The following AP2B1 variants were observed in gnomAD, a reference collection of about 807,000 sequenced individuals.
The protein encoded by AP2B1 is adaptor related protein complex 2 subunit beta 1, also known as AP-2 complex subunit beta.
A neutral mutation model predicts 102.0 loss-of-function variants in AP2B1; 23 were observed. That is an observed-to-expected ratio of 0.23 (90% CI 0.16 to 0.32). AP2B1 has a LOEUF of 0.32. Among genes scored for constraint, AP2B1 ranks in the 10% least tolerant of loss-of-function variants. AP2B1 has a pLI of 1.00. For missense variants in AP2B1, 541 were observed against 1,157.4 expected, an observed-to-expected ratio of 0.47 and a Z score of 7.73; for synonymous variants, 381 against 421.2, an observed-to-expected ratio of 0.90 and a Z score of 1.17.
At chr17:35,623,515 G>A (rs1254618667) in intron 5 of AP2B1, among the ~76,000 whole-genome samples, 1 of 152,192 alleles carries the variant, frequency 6.6e-6, no homozygotes, top group East Asian at 1.9e-4. Flanking sequence ...AGTGAGCCAA[G>A]ATGTGTGCCT....
intron 14 of AP2B1, among the ~76,000 whole-genome samples, chr17:35,660,970 A>G (rs1366142737): frequency 3.3e-5 from 5 of 152,212 alleles, no homozygotes; most frequent in Admixed American, 6.5e-5. Flanking sequence ...AAATATGGCC[A>G]TAGTTAGAAT....
chr17:35,691,417 G>A (rs587741498), intron 18 of AP2B1, among the ~76,000 whole-genome samples: 1 of 152,326 alleles, frequency 6.6e-6, no homozygotes, highest in Admixed American at 6.5e-5. Context: ...AGAAAAACTG[G>A]TAGACGCTTC....
chr17:35,724,956 C>CA lies in AP2B1; in HGVS notation c.*1257_*1258insA, dbSNP rs1555594739. 6.6e-6 allele frequency: 1 copy of CA among 152,212 alleles called. No individual in the cohort carries two copies. The highest frequency in any genetic ancestry group is 1.5e-5 in the Non-Finnish European group (1 of 68,056). The allele number at this position is 152,212 out of a possible 1,614,324, so 9.4% of individuals were successfully genotyped here. ...TGTAGCCAGTGTTTCCCATATGCCC[C>CA]TGGAGCCCCACTTATTGAGGCCAGC... is the stretch of plus-strand genomic sequence containing the variant. On this transcript the variant is annotated 3_prime_UTR_variant, in exon 22 of 22. Coordinates refer to ENST00000610402, the MANE Select transcript of AP2B1 (RefSeq NM_001030006.2).
At position 35,592,362 on chromosome 17, in the gene AP2B1, T is replaced by TA. The variant is rs1450958168; in HGVS notation, c.-23-1646_-23-1645insA. Among the ~76,000 whole-genome samples the TA allele has an allele frequency of 4.6e-5, 7 of 152,016 alleles. No individual in the cohort carries two copies. In the East Asian group the frequency reaches 1.4e-3, roughly 29 times the overall value. ...TAAAAAATATATGTATATTTATATA[T>TA]TTTTTTCCCCTTGAGACAAGGTCTC... On this transcript the variant is annotated intron_variant, in intron 1 of 21. Transcript: ENST00000610402.
At position 35,720,565 on chromosome 17, in the gene AP2B1, ATATATATATTTTTTTT is replaced by A. The variant is rs1480525268; in HGVS notation, c.2782-3058_2782-3043del. On this transcript the variant is annotated intron_variant, in intron 21 of 21. Coordinates refer to ENST00000610402, the MANE Select transcript of AP2B1 (RefSeq NM_001030006.2). ...TTTATTTATATATATATATATATATATATATATATTTTTTTTTTTTTTTTTTTTTTTTTTTAATATA... is the reference window on the plus strand; with the variant it reads ...TTTATTTATATATATATATATATATATTTTTTTTTTTTTTTTTTTAATATA... Among the ~76,000 whole-genome samples, 6 of 52,382 alleles carry A rather than the reference ATATATATATTTTTTTT, an allele frequency of 1.1e-4. No homozygotes were observed. The South Asian group carries it at 2.4e-3, about 21-fold the overall frequency. 34.4% of individuals were successfully genotyped at this position (52,382 alleles called of 152,430 possible). A position where few individuals can be genotyped will look rare whatever the true frequency, so the allele number is the denominator to read the frequency against.
At chr17:35,715,579 G>A (rs1394915720) in intron 20 of AP2B1, among the ~76,000 whole-genome samples, 2 of 152,202 alleles carry the variant, frequency 1.3e-5, no homozygotes, top group Non-Finnish European at 2.9e-5. Context: ...CCTGTCAAAA[G>A]GCATTAGCCA....
intron 17 of AP2B1, among the ~76,000 whole-genome samples, chr17:35,678,805 G>A (rs2075755203): frequency 1.3e-5 from 2 of 152,038 alleles, no homozygotes; most frequent in African/African-American, 4.8e-5. Flanking sequence ...CTTCATTTCT[G>A]ATATGATTTA....
rs2085475405 is a variant in AP2B1 at position 35,723,942 on chromosome 17, CCTTA to C, written c.*247_*250del. ...CTTGCCACCTGCTGCTGCTATCTGT[CCTTA>C]CTTGTGGGCTTCTCCATGCTGTGCC... On this transcript the variant is annotated 3_prime_UTR_variant, in exon 22 of 22. Transcript: ENST00000610402. The C allele has an allele frequency of 2.3e-6, 1 of 427,004 alleles. No individual in the cohort carries two copies. The highest frequency in any genetic ancestry group is 4.2e-6 in the Non-Finnish European group (1 of 235,874). The allele number at this position is 427,004 out of a possible 1,614,324, so 26.5% of individuals were successfully genotyped here.
chr17:35,645,282 A>C (rs1433347947), intron 12 of AP2B1, among the ~76,000 whole-genome samples: 1 of 152,182 alleles, frequency 6.6e-6, no homozygotes, highest in East Asian at 1.9e-4. Context: ...ACTTCCACTG[A>C]TTCTGGACAT....
At chr17:35,712,704 T>C (rs1320312883) in intron 20 of AP2B1, among the ~76,000 whole-genome samples, 5 of 152,200 alleles carry the variant, frequency 3.3e-5, no homozygotes, top group Non-Finnish European at 5.9e-5. Context: ...AAATACAGCA[T>C]ATGCTAGGCT....
chr17:35,711,715 C>G (rs890216193), intron 20 of AP2B1, among the ~76,000 whole-genome samples: 1 of 152,218 alleles, frequency 6.6e-6, no homozygotes, highest in East Asian at 1.9e-4. Context: ...TTGTGATCCG[C>G]CCGCCTCGGC....
At chr17:35,657,915 A>G in intron 14 of AP2B1, 124 bp downstream of exon 14, 1 of 794,940 alleles carries the variant, frequency 1.3e-6, no homozygotes, top group Non-Finnish European at 1.9e-6. Context: ...CCTTTGATAA[A>G]GGACAGGATT....
chr17:35,645,948 C>A (rs1215952018), intron 12 of AP2B1, among the ~76,000 whole-genome samples: 2 of 152,176 alleles, frequency 1.3e-5, no homozygotes, highest in Non-Finnish European at 2.9e-5. Flanking sequence ...TGTCTATGAA[C>A]TAGGGGCCAC....
chr17:35,644,210 T>A (rs1346583776), intron 12 of AP2B1, among the ~76,000 whole-genome samples: 1 of 152,214 alleles, frequency 6.6e-6, no homozygotes, highest in Admixed American at 6.5e-5. Context: ...CATGGTCTTG[T>A]CCACTGTGCT....
intron 14 of AP2B1, chr17:35,659,965 A>C: frequency 1.0e-6 from 1 of 985,422 alleles, no homozygotes; most frequent in African/African-American, 1.7e-5. Flanking sequence ...GTGGAAGAAG[A>C]TGAGTTTCTA....
At chr17:35,693,996 C>G (rs902833246) in intron 18 of AP2B1, among the ~76,000 whole-genome samples, 1 of 152,180 alleles carries the variant, frequency 6.6e-6, no homozygotes, top group African/African-American at 2.4e-5. Context: ...GCTAACTAAT[C>G]TGAGGATGTA....
At chr17:35,672,124 A>G (rs888247593) in intron 16 of AP2B1, among the ~76,000 whole-genome samples, 1 of 152,180 alleles carries the variant, frequency 6.6e-6, no homozygotes, top group Non-Finnish European at 1.5e-5. Context: ...TGACATATTA[A>G]TTATTTGAGT....
intron 2 of AP2B1, among the ~76,000 whole-genome samples, chr17:35,597,581 A>G (rs1233083432): frequency 6.6e-6 from 1 of 152,250 alleles, no homozygotes; most frequent in Non-Finnish European, 1.5e-5. Context: ...GTGATTCTCA[A>G]CATTGGGTGT....
At chr17:35,588,349 C>T (rs1418962607) in intron 1 of AP2B1, among the ~76,000 whole-genome samples, 1 of 151,924 alleles carries the variant, frequency 6.6e-6, no homozygotes, top group Non-Finnish European at 1.5e-5. Flanking sequence ...ACTGTGTAGC[C>T]CAGTCTGGTC....
Sources: gnomAD v4.1 joint callset for allele counts (sites outside exome capture counted in the v4.1 genomes callset) on GRCh38, gnomAD v4.1.1 for gene constraint, MANE v1.5 for transcripts, NCBI Gene and HGNC (gene_info 2026-07-23, HGNC 2026-07-21) for gene names.